The following CLSTN2 variants were observed in gnomAD, a reference collection of about 807,000 sequenced individuals.
CLSTN2 encodes the protein calsyntenin 2, also known as calsyntenin-2.
CLSTN2 carries 48 observed loss-of-function variants against 101.2 expected under a neutral mutation model. The ratio of observed to expected loss-of-function variants is 0.47; its 90% CI spans 0.38 to 0.60. The LOEUF is 0.60. Ranked by LOEUF, CLSTN2 falls within the 20% of genes least tolerant of loss-of-function variation. The pLI, the probability that CLSTN2 is intolerant of heterozygous loss-of-function variation, is 0.00. For synonymous variants in CLSTN2, 481 were observed against 463.6 expected (o/e 1.04, Z -0.48); for missense variants, 1,160 against 1,238.2 (o/e 0.94, Z 0.95).
intron 9 of CLSTN2, among the ~76,000 whole-genome samples, chr3:140,542,561 T>C (rs927978359): frequency 6.6e-6 from 1 of 151,704 alleles, no homozygotes; most frequent in African/African-American, 2.4e-5. Flanking sequence ...ATATCTATTA[T>C]TTTTTTTTAA....
intron 1 of CLSTN2, among the ~76,000 whole-genome samples, chr3:140,168,841 C>T (rs1281685016): frequency 3.3e-5 from 5 of 152,030 alleles, no homozygotes; most frequent in Non-Finnish European, 4.4e-5. Flanking sequence ...TTCTTCTTTC[C>T]ATTGATGTAT....
intron 9 of CLSTN2, among the ~76,000 whole-genome samples, chr3:140,532,702 C>T (rs1935282458): frequency 6.6e-6 from 1 of 152,098 alleles, no homozygotes; most frequent in Non-Finnish European, 1.5e-5. Context: ...ATTTTTAGAT[C>T]GACATGAGCA....
At chr3:140,193,653 A>G (rs1023846607) in intron 2 of CLSTN2, among the ~76,000 whole-genome samples, 5 of 152,062 alleles carry the variant, frequency 3.3e-5, no homozygotes, top group African/African-American at 1.2e-4. Context: ...TGTTTGTTCA[A>G]CTACTTGAAT....
intron 2 of CLSTN2, among the ~76,000 whole-genome samples, chr3:140,334,825 A>G (rs776039510): frequency 6.6e-6 from 1 of 152,196 alleles, no homozygotes; most frequent in African/African-American, 2.4e-5. Flanking sequence ...GTGGGAGTCA[A>G]TGGGCAATCA....
chr3:140,188,086 T>C (rs2010508071), intron 2 of CLSTN2, among the ~76,000 whole-genome samples: 1 of 152,188 alleles, frequency 6.6e-6, no homozygotes, highest in Non-Finnish European at 1.5e-5. Flanking sequence ...CTCACTAGTC[T>C]TAAGGCAGTT....
chr3:139,965,426 CA>C (rs886957658), intron 1 of CLSTN2, among the ~76,000 whole-genome samples: 1 of 152,194 alleles, frequency 6.6e-6, no homozygotes, highest in African/African-American at 2.4e-5. Context: ...GATGCCTCTC[CA>C]GGGGTAATGT....
intron 2 of CLSTN2, among the ~76,000 whole-genome samples, chr3:140,325,002 T>A (rs2087317907): frequency 6.6e-6 from 1 of 152,258 alleles, no homozygotes; most frequent in Non-Finnish European, 1.5e-5. Flanking sequence ...AGGATTGGCA[T>A]GCATCCTTAT....
chr3:140,171,862 A>AATAATATATAATATATATATTAT (rs2010240989), intron 1 of CLSTN2, among the ~76,000 whole-genome samples: 3 of 121,864 alleles, frequency 2.5e-5, no homozygotes, highest in African/African-American at 9.4e-5. Context: ...TATATTATAT[A>AATAATATATAATATATATATTAT]ATAACAATAT....
chr3:140,467,102 C>T (rs527981), intron 8 of CLSTN2, among the ~76,000 whole-genome samples: 41,137 of 152,100 alleles, frequency 0.27, 5,668 homozygotes, highest in Admixed American at 0.36. Context: ...CCTTGGTGCT[C>T]TACTACCTCC....
intron 2 of CLSTN2, among the ~76,000 whole-genome samples, chr3:140,185,718 G>T (rs2010476575): frequency 6.6e-6 from 1 of 152,094 alleles, no homozygotes; most frequent in South Asian, 2.1e-4. Context: ...GGGGAAGGGG[G>T]CAACTGTTGC....
chr3:140,455,322 G>C (rs774846581), intron 6 of CLSTN2, among the ~76,000 whole-genome samples: 1 of 152,154 alleles, frequency 6.6e-6, no homozygotes, highest in Non-Finnish European at 1.5e-5. Context: ...CTTGCCATAG[G>C]CTCCCTGAAG....
chr3:139,936,938 T>C (rs1432912032), intron 1 of CLSTN2, among the ~76,000 whole-genome samples: 2 of 152,222 alleles, frequency 1.3e-5, no homozygotes, highest in African/African-American at 4.8e-5. Context: ...AAAAACTCGT[T>C]ATGAAAATAT....
At chr3:140,419,738 T>C (rs1165348062) in intron 4 of CLSTN2, among the ~76,000 whole-genome samples, 1 of 66,186 alleles carries the variant, frequency 1.5e-5, no homozygotes, top group Admixed American at 1.3e-4. Context: ...TACATGTATA[T>C]ACGTATATAT....
intron 2 of CLSTN2, among the ~76,000 whole-genome samples, chr3:140,183,845 G>A (rs1345741515): frequency 6.6e-6 from 1 of 152,180 alleles, no homozygotes; most frequent in East Asian, 1.9e-4. Context: ...TTTTATAGGA[G>A]AGACCGATGT....
chr3:139,984,588 T>C (rs1935990967), intron 1 of CLSTN2, among the ~76,000 whole-genome samples: 1 of 152,134 alleles, frequency 6.6e-6, no homozygotes. Context: ...TCTCTGTTCC[T>C]CTTACCTCCC....
intron 2 of CLSTN2, among the ~76,000 whole-genome samples, chr3:140,401,072 AT>A (rs1216714704): frequency 1.3e-5 from 2 of 151,606 alleles, no homozygotes; most frequent in Non-Finnish European, 2.9e-5. Context: ...CGCTGGGTCT[AT>A]TTTTGTTTAT....
chr3:140,186,545 C>T (rs2107834208), intron 2 of CLSTN2, among the ~76,000 whole-genome samples: 1 of 152,170 alleles, frequency 6.6e-6, no homozygotes, highest in African/African-American at 2.4e-5. Context: ...GGCATGAGTT[C>T]AGAGCTTGAT....
chr3:140,556,398 T>C, intron 10 of CLSTN2, 115 bp from the exon 11 acceptor site: 1 of 866,354 alleles, frequency 1.2e-6, no homozygotes, highest in East Asian at 2.4e-5. Context: ...CACTGGCAGA[T>C]GCTCTAGAGG....
chr3:140,092,374 C>T (rs1186492690), intron 1 of CLSTN2, among the ~76,000 whole-genome samples: 3 of 152,208 alleles, frequency 2.0e-5, no homozygotes, highest in Admixed American at 2.0e-4. Context: ...GAGAACTGAA[C>T]ATTTCATGGG....
Sources: allele counts gnomAD v4.1 joint callset (sites outside exome capture counted in the v4.1 genomes callset), GRCh38; gene constraint gnomAD v4.1.1; transcripts MANE v1.5; gene names NCBI Gene and HGNC (gene_info 2026-07-23, HGNC 2026-07-21).